The following RALYL variants were observed in gnomAD, a reference collection of about 807,000 sequenced individuals.
The protein encoded by RALYL is RNA-binding Raly-like protein.
In RALYL, 29 loss-of-function variants were observed where a neutral mutation model predicts 35.1. That is an observed-to-expected ratio of 0.83 (90% CI 0.61 to 1.13). The LOEUF (loss-of-function observed/expected upper bound fraction) is 1.13. RALYL is among the 50% of genes most tolerant of loss of function. The pLI, the probability that RALYL is intolerant of heterozygous loss-of-function variation, is 0.00. For missense variants in RALYL, 359 were observed against 360.4 expected (o/e 1.00, Z 0.03); for synonymous variants, 120 against 127.6 (o/e 0.94, Z 0.40).
chr8:84,917,306 G>T (rs79676798), intron 8 of RALYL, among the ~76,000 whole-genome samples: 4 of 151,770 alleles, frequency 2.6e-5, no homozygotes, highest in African/African-American at 7.3e-5. Context: ...AGTTAGGAGG[G>T]GCAGGGAAAT....
chr8:84,649,863 A>T (rs1303181272), intron 2 of RALYL, among the ~76,000 whole-genome samples: 3 of 152,048 alleles, frequency 2.0e-5, no homozygotes, highest in Non-Finnish European at 4.4e-5. Flanking sequence ...TCTATAAATT[A>T]CCTTGGGCAG....
chr8:84,549,746 G>A (rs1350977837), intron 2 of RALYL, among the ~76,000 whole-genome samples: 2 of 152,174 alleles, frequency 1.3e-5, no homozygotes, highest in African/African-American at 4.8e-5. Flanking sequence ...TGTGTATCCA[G>A]TCTAGGGTAG....
chr8:84,579,065 A>G (rs1810204090), intron 2 of RALYL, among the ~76,000 whole-genome samples: 1 of 152,122 alleles, frequency 6.6e-6, no homozygotes, highest in African/African-American at 2.4e-5. Context: ...CATGTCATCC[A>G]TAGTGCCCAG....
chr8:84,630,355 C>T (rs753597377), intron 2 of RALYL, among the ~76,000 whole-genome samples: 9 of 151,834 alleles, frequency 5.9e-5, no homozygotes, highest in African/African-American at 1.2e-4. Flanking sequence ...AGGACAGGTA[C>T]ATGAAGATAG....
rs551328294 is a variant in RALYL at position 84,804,186 on chromosome 8, C to T, written c.333-584C>T. On this transcript the variant is annotated intron_variant, in intron 3 of 8. Transcript: ENST00000521268. Reference sequence around the variant, plus strand: ...GTGGCTTTCTCAAATGAACCACAACCTTCAGGATTAGACTTTCCCTTTGAG... The same window carrying T: ...GTGGCTTTCTCAAATGAACCACAACTTTCAGGATTAGACTTTCCCTTTGAG... 7.9e-5 allele frequency among the ~76,000 whole-genome samples: 12 copies of T among 152,240 alleles called. No homozygotes were observed. In the East Asian group the frequency reaches 1.2e-3, roughly 15 times the overall value.
At chr8:84,714,235 G>C (rs539756524) in intron 2 of RALYL, among the ~76,000 whole-genome samples, 110 of 151,882 alleles carry the variant, frequency 7.2e-4, no homozygotes, top group African/African-American at 2.6e-3. Context: ...GTAGAATGGG[G>C]GTTACCAGAG....
At chr8:84,358,091 T>C (rs909233604) in intron 1 of RALYL, among the ~76,000 whole-genome samples, 6 of 151,924 alleles carry the variant, frequency 3.9e-5, no homozygotes, top group Admixed American at 6.6e-5. Context: ...TAAATTAGAA[T>C]TATTCACTAA....
intron 1 of RALYL, among the ~76,000 whole-genome samples, chr8:84,520,965 G>T (rs1328593523): frequency 6.6e-6 from 1 of 152,158 alleles, no homozygotes; most frequent in Non-Finnish European, 1.5e-5. Context: ...ATGGCTCAGA[G>T]GGAGCTTATT....
rs142771769 is a variant in RALYL at position 84,645,607 on chromosome 8, T to C, written c.256+116030T>C. Among the ~76,000 whole-genome samples, 7 of 152,234 alleles carry C rather than the reference T, an allele frequency of 4.6e-5. No individual in the cohort carries two copies. The East Asian group carries it at 9.7e-4, about 21-fold the overall frequency. ...TTTACCCAAGATTAAGACTTTGTAG[T>C]CTCAGTTCTTTGTCTTAGGTCTGCT... is the stretch of plus-strand genomic sequence containing the variant. On this transcript the variant is annotated intron_variant, in intron 2 of 8. Transcript: ENST00000521268.
chr8:84,602,873 C>T (rs1193124257), intron 2 of RALYL, among the ~76,000 whole-genome samples: 1 of 151,950 alleles, frequency 6.6e-6, no homozygotes, highest in Non-Finnish European at 1.5e-5. Flanking sequence ...AGATTTCTGT[C>T]TTTGAGAATA....
In RALYL at chr8:84,852,592, A is replaced by G. The variant is rs1049143646; in HGVS notation, c.413+2565A>G. On this transcript the variant is annotated intron_variant, in intron 5 of 8. Transcript: ENST00000521268. ...ATATAAAACCATTTTAGCATCTTTTATTTTCTATCATATGACTTCCTTATA... is the reference window on the plus strand; with the variant it reads ...ATATAAAACCATTTTAGCATCTTTTGTTTTCTATCATATGACTTCCTTATA... 2.6e-5 allele frequency among the ~76,000 whole-genome samples: 4 copies of G among 152,182 alleles called. No homozygotes were observed. In the South Asian group the frequency reaches 8.3e-4, roughly 32 times the overall value.
chr8:84,221,111 G>C (rs1822097638), intron 1 of RALYL, among the ~76,000 whole-genome samples: 1 of 151,958 alleles, frequency 6.6e-6, no homozygotes, highest in African/African-American at 2.4e-5. Context: ...AATAGGCTTT[G>C]AGACTCATTA....
intron 2 of RALYL, among the ~76,000 whole-genome samples, chr8:84,683,386 C>T (rs1421511510): frequency 6.6e-6 from 1 of 152,094 alleles, no homozygotes; most frequent in African/African-American, 2.4e-5. Flanking sequence ...AGTTCAATTC[C>T]TGGATAACCT....
chr8:84,269,486 G>A (rs1833911236), intron 1 of RALYL, among the ~76,000 whole-genome samples: 1 of 152,068 alleles, frequency 6.6e-6, no homozygotes, highest in South Asian at 2.1e-4. Flanking sequence ...AACCTACTTT[G>A]TTTTGGCTCT....
intron 2 of RALYL, among the ~76,000 whole-genome samples, chr8:84,756,625 G>A (rs186122908): frequency 1.3e-5 from 2 of 152,064 alleles, no homozygotes; most frequent in African/African-American, 4.8e-5. Flanking sequence ...AACGTCACCT[G>A]CTGATCCTGG....
intron 1 of RALYL, among the ~76,000 whole-genome samples, chr8:84,495,765 T>C (rs770116959): frequency 8.5e-5 from 13 of 152,170 alleles, no homozygotes; most frequent in Non-Finnish European, 1.5e-4. Context: ...TGCTTATTTG[T>C]AACCTTTGAC....
At chr8:84,755,827 T>C (rs573731420) in intron 2 of RALYL, among the ~76,000 whole-genome samples, 1 of 152,112 alleles carries the variant, frequency 6.6e-6, no homozygotes, top group African/African-American at 2.4e-5. Flanking sequence ...GCAAATGTTT[T>C]GTAACTTGAC....
intron 1 of RALYL, among the ~76,000 whole-genome samples, chr8:84,376,935 G>A (rs537131540): frequency 6.6e-6 from 1 of 151,912 alleles, no homozygotes; most frequent in South Asian, 2.1e-4. Flanking sequence ...GGTCTCATGT[G>A]TGTTAAAATA....
rs548573157 is a variant in RALYL, at chr8:84,202,529, G to A, written c.-24+18105G>A. 5.3e-5 allele frequency among the ~76,000 whole-genome samples: 8 copies of A among 151,828 alleles called. No individual in the cohort carries two copies. In the South Asian group the frequency reaches 6.2e-4, roughly 12 times the overall value. ...TGGGATTACAGGTGCCCACCACCACGCCCAGCTAATTTTTTTGTATTTTTA... is the reference window on the plus strand; with the variant it reads ...TGGGATTACAGGTGCCCACCACCACACCCAGCTAATTTTTTTGTATTTTTA... On this transcript the variant is annotated intron_variant, in intron 1 of 8. Coordinates refer to ENST00000521268, the MANE Select transcript of RALYL (RefSeq NM_173848.7).
Sources: gnomAD v4.1 joint callset for allele counts (sites outside exome capture counted in the v4.1 genomes callset) on GRCh38, gnomAD v4.1.1 for gene constraint, MANE v1.5 for transcripts, NCBI Gene and HGNC (gene_info 2026-07-23, HGNC 2026-07-21) for gene names.